The following GNG4 variants were observed in gnomAD, a reference collection of about 807,000 sequenced individuals.
GNG4 encodes the protein guanine nucleotide-binding protein G(I)/G(S)/G(O) subunit gamma-4.
Under a neutral mutation model 5.8 loss-of-function variants are expected in GNG4, and 4 were observed. The ratio of observed to expected loss-of-function variants is 0.69; its 90% CI spans 0.34 to 1.57. The LOEUF is 1.57. Among genes scored for constraint, GNG4 ranks in the 40% most tolerant of loss-of-function variants. The pLI is 0.06. For synonymous variants in GNG4, 29 were observed against 32.9 expected (o/e 0.88, Z 0.41); for missense variants, 96 against 95.1 (o/e 1.01, Z -0.04).
At chr1:235,598,047 G>A (rs550931916) in intron 1 of GNG4, among the ~76,000 whole-genome samples, 2 of 152,268 alleles carry the variant, frequency 1.3e-5, no homozygotes, top group African/African-American at 4.8e-5. Context: ...AGAGGGCTGA[G>A]GTGCTGGATC....
Position 235,643,920 on chromosome 1 carries a change from T to C in GNG4, c.-123+5742A>G, listed in dbSNP as rs1333126132. 4.6e-5 allele frequency among the ~76,000 whole-genome samples: 7 copies of C among 152,278 alleles called. No homozygotes were observed. The East Asian group carries it at 1.4e-3, about 29-fold the overall frequency. The stretch of plus-strand genomic sequence containing the variant: ...AACTTGTTCAGAGGATGCTGACCCA[T>C]CCATCAGTGAGCACAGCCAACCCAA... On this transcript the variant is annotated intron_variant, in intron 1 of 3. Transcript: ENST00000391854.
At position 235,605,340 on chromosome 1, in the gene GNG4, G is replaced by A. The variant is rs185136149; in HGVS notation, c.-122-9829C>T. 1.8e-4 allele frequency among the ~76,000 whole-genome samples: 28 copies of A among 152,002 alleles called. No individual in the cohort carries two copies. In the East Asian group the frequency reaches 4.3e-3, roughly 23 times the overall value. Reference sequence around the variant, plus strand: ...CAAGTAGCTAGGATTACAGGCATGCGCCACCACGCCCAGCTAATATTTGTA... The same window carrying A: ...CAAGTAGCTAGGATTACAGGCATGCACCACCACGCCCAGCTAATATTTGTA... On this transcript the variant is annotated intron_variant, in intron 1 of 3. Coordinates refer to ENST00000391854, the MANE Select transcript of GNG4 (RefSeq NM_001098722.2).
chr1:235,625,726 G>A (rs1024374944), intron 1 of GNG4, among the ~76,000 whole-genome samples: 6 of 152,118 alleles, frequency 3.9e-5, no homozygotes, highest in Non-Finnish European at 7.4e-5. Flanking sequence ...TCAGCAATAC[G>A]TATGTAAGTC....
rs1215417212 is a variant in GNG4 at position 235,579,966 on chromosome 1, T to C, written c.99+3774A>G. Among the ~76,000 whole-genome samples, 3 of 152,028 alleles carry C rather than the reference T, an allele frequency of 2.0e-5. No homozygotes were observed. The East Asian group carries it at 5.8e-4, about 29-fold the overall frequency. On this transcript the variant is annotated intron_variant, in intron 3 of 3. Transcript: ENST00000391854. ...ACTCCAACAGATACCTGCACACCCA[T>C]GTTCCTAACAGCATTATTTACAATA...
chr1:235,594,715 G>A (rs1035672652), intron 2 of GNG4, among the ~76,000 whole-genome samples: 13 of 152,186 alleles, frequency 8.5e-5, no homozygotes, highest in African/African-American at 3.1e-4. Context: ...CAGAACTCAC[G>A]CTGGTCCGCA....
chr1:235,567,099 A>T (rs1023104125), intron 3 of GNG4, among the ~76,000 whole-genome samples: 13 of 146,392 alleles, frequency 8.9e-5, no homozygotes, highest in Admixed American at 4.8e-4. Context: ...CCAGCTAATT[A>T]AAAAAAAAAA....
chr1:235,590,573 C>A (rs1034866434), intron 2 of GNG4, among the ~76,000 whole-genome samples: 1 of 152,158 alleles, frequency 6.6e-6, no homozygotes, highest in African/African-American at 2.4e-5. Context: ...GGTAAACAGG[C>A]CTGCTCCACG....
At chr1:235,616,180 C>G (rs1239949586) in intron 1 of GNG4, 1 of 521,090 alleles carries the variant, frequency 1.9e-6, no homozygotes, top group Non-Finnish European at 3.8e-6. Context: ...TCCTGGCCAG[C>G]AGCCACTTCT....
rs372825884 is a variant in GNG4 at position 235,621,544 on chromosome 1, C to A, written c.-122-26033G>T. On this transcript the variant is annotated intron_variant, in intron 1 of 3. Transcript: ENST00000391854. Reference sequence around the variant, plus strand: ...TCCTGAACTCAAGTGATCTGCCCACCTCAGTCTCCCAGCATACTGGGATTA... The same window carrying A: ...TCCTGAACTCAAGTGATCTGCCCACATCAGTCTCCCAGCATACTGGGATTA... Among the ~76,000 whole-genome samples the A allele has an allele frequency of 8.5e-5, 13 of 152,174 alleles. No homozygotes were observed. The East Asian group carries it at 2.3e-3, about 27-fold the overall frequency.
intron 1 of GNG4, chr1:235,615,797 G>A: frequency 3.8e-6 from 1 of 264,906 alleles, no homozygotes; most frequent in South Asian, 5.8e-5. Flanking sequence ...GACCACATGA[G>A]CCCTCAGCAC....
chr1:235,567,300 T>C (rs1319795681), intron 3 of GNG4, among the ~76,000 whole-genome samples: 1 of 152,190 alleles, frequency 6.6e-6, no homozygotes, highest in Non-Finnish European at 1.5e-5. Context: ...TACACATATA[T>C]GTGTATTTCT....
intron 2 of GNG4, among the ~76,000 whole-genome samples, chr1:235,590,878 C>T (rs891097941): frequency 2.0e-5 from 3 of 152,280 alleles, no homozygotes; most frequent in African/African-American, 7.2e-5. Context: ...CATAGGATGT[C>T]TCATGTACCT....
chr1:235,587,561 TGTGGGAGG>T (rs1300898919), intron 2 of GNG4, among the ~76,000 whole-genome samples: 16 of 10,682 alleles, frequency 1.5e-3, no homozygotes, highest in South Asian at 6.6e-3. Flanking sequence ...GGGTTGTGAA[TGTGGGAGG>T]GTGTGGGGTG....
chr1:235,612,192 C>T (rs1182159194), intron 1 of GNG4, among the ~76,000 whole-genome samples: 4 of 151,928 alleles, frequency 2.6e-5, no homozygotes, highest in South Asian at 2.1e-4. Context: ...AGGACAACGT[C>T]GAAGATTGAC....
chr1:235,604,270 G>A (rs1434963774), intron 1 of GNG4, among the ~76,000 whole-genome samples: 1 of 152,202 alleles, frequency 6.6e-6, no homozygotes, highest in Non-Finnish European at 1.5e-5. Flanking sequence ...ATTGTCATTC[G>A]AGTCTATCGC....
At chr1:235,595,263 GA>G (rs2102956235) in intron 2 of GNG4, 136 bp downstream of exon 2, 1 of 152,608 alleles carries the variant, frequency 6.6e-6, no homozygotes, top group Non-Finnish European at 1.5e-5. Flanking sequence ...ATGATTGCTA[GA>G]AGAAAGTGAT....
intron 1 of GNG4, among the ~76,000 whole-genome samples, chr1:235,620,780 C>G (rs1354290400): frequency 6.6e-6 from 1 of 152,212 alleles, no homozygotes; most frequent in Non-Finnish European, 1.5e-5. Context: ...CGTGATCCAC[C>G]TGCCTCGGCC....
chr1:235,598,531 C>T (rs1347076358), intron 1 of GNG4, among the ~76,000 whole-genome samples: 1 of 152,064 alleles, frequency 6.6e-6, no homozygotes. Context: ...ATCGCCTGAG[C>T]CTGGAATTTT....
At chr1:235,557,809 A>G (rs1686957978) in intron 3 of GNG4, among the ~76,000 whole-genome samples, 1 of 152,038 alleles carries the variant, frequency 6.6e-6, no homozygotes, top group Non-Finnish European at 1.5e-5. Flanking sequence ...AGTCGAGGAG[A>G]AGTCAGGTTG....
Sources: allele counts gnomAD v4.1 joint callset (sites outside exome capture counted in the v4.1 genomes callset), GRCh38; gene constraint gnomAD v4.1.1; transcripts MANE v1.5; gene names NCBI Gene and HGNC (gene_info 2026-07-23, HGNC 2026-07-21).